The following NOMO1 variants were observed in gnomAD, a reference collection of about 807,000 sequenced individuals.
The protein encoded by NOMO1 is NODAL modulator 1.
A neutral mutation model predicts 133.8 loss-of-function variants in NOMO1; 40 were observed. The observed-to-expected ratio is 0.30, with a 90% CI of 0.23 to 0.39. The LOEUF (loss-of-function observed/expected upper bound fraction) is 0.39, where lower values mean the gene tolerates loss of function less well. Among genes scored for constraint, NOMO1 ranks in the 10% least tolerant of loss-of-function variants. NOMO1 has a pLI of 1.00. For synonymous variants in NOMO1, 236 were observed against 570.5 expected (o/e 0.41, Z 8.36); for missense variants, 462 against 1,419.9 (o/e 0.33, Z 10.84).
intron 4 of NOMO1, among the ~76,000 whole-genome samples, chr16:14,846,342 A>AATCT (rs1207921011): frequency 1.3e-5 from 2 of 150,518 alleles, no homozygotes; most frequent in Non-Finnish European, 2.9e-5. Flanking sequence ...AATAATGGTG[A>AATCT]ATCTATAACT....
At chr16:14,837,223 C>T (rs1963530596) in intron 1 of NOMO1, among the ~76,000 whole-genome samples, 1 of 151,760 alleles carries the variant, frequency 6.6e-6, no homozygotes, top group African/African-American at 2.4e-5. Context: ...CTATGTTGTC[C>T]AGGCTGGTCT....
At position 14,893,573 on chromosome 16, in the gene NOMO1, G is replaced by A. The variant is rs1964436658; in HGVS notation, c.3445-1425G>A. The stretch of plus-strand genomic sequence containing the variant: ...TCCAAAGATACAGGAGTAGGCAGTT[G>A]TTGATGGAAATCTGTTCCTGCCCTT... On this transcript the variant is annotated intron_variant, in intron 29 of 30. Transcript: ENST00000287667. Among the ~76,000 whole-genome samples the A allele has an allele frequency of 2.0e-5, 3 of 152,158 alleles. No homozygotes were observed. In the South Asian group the frequency reaches 6.2e-4, roughly 32 times the overall value.
At chr16:14,856,795 A>G (rs978964095) in intron 9 of NOMO1, among the ~76,000 whole-genome samples, 2 of 151,942 alleles carry the variant, frequency 1.3e-5, no homozygotes, top group African/African-American at 4.8e-5. Flanking sequence ...GGTGGAATCC[A>G]CAGGACTGAT....
chr16:14,837,305 G>A (rs1301135373), intron 1 of NOMO1, among the ~76,000 whole-genome samples: 2 of 152,034 alleles, frequency 1.3e-5, no homozygotes. Flanking sequence ...CACCATGCCT[G>A]GCCGCAAACT....
At chr16:14,869,710 G>A (rs1483846562) in intron 16 of NOMO1, among the ~76,000 whole-genome samples, 4 of 151,540 alleles carry the variant, frequency 2.6e-5, no homozygotes, top group Non-Finnish European at 5.9e-5. Flanking sequence ...GGACATTCTT[G>A]TACAAGTCTT....
intron 14 of NOMO1, 70 bp from the exon 15 acceptor site, chr16:14,866,485 T>C: frequency 6.2e-7 from 1 of 1,609,902 alleles, no homozygotes; most frequent in Non-Finnish European, 8.5e-7. Flanking sequence ...ATGATCATTG[T>C]TTCTGGTGGC....
rs1964481299 is a variant in NOMO1 at position 14,895,537 on chromosome 16, GA to G, written c.3562del (p.Thr1188GlnfsTer103). On this transcript the variant is annotated frameshift_variant, in exon 31 of 31. Transcript: ENST00000287667. LOFTEE classifies it high-confidence loss of function. ...DKLIPLLLQL[T>X]SRLQGVRALG... ...AGCTCATTCCTTTGCTGCTGCAGTT[GA>G]CAAGCCGGCTACAGGGAGTCCGCGC... 6.2e-7 allele frequency: 1 copy of G among 1,611,784 alleles called. No homozygotes were observed. Among genetic ancestry groups the G allele is most frequent in the Admixed American group, 1.7e-5 (1 of 59,988 alleles).
chr16:14,894,820 A>G (rs867700688), intron 29 of NOMO1, among the ~76,000 whole-genome samples, 178 bp from the exon 30 acceptor site: 1 of 152,362 alleles, frequency 6.6e-6, no homozygotes, highest in Middle Eastern at 3.4e-3. Context: ...TTCATGGGAA[A>G]ATATATCCAA....
intron 23 of NOMO1, among the ~76,000 whole-genome samples, chr16:14,879,269 A>G (rs1964208295): frequency 6.6e-6 from 1 of 151,718 alleles, no homozygotes; most frequent in African/African-American, 2.4e-5. Flanking sequence ...GTGGGGATTC[A>G]GGAAGTGTGT....
chr16:14,835,156 A>G (rs1387292041), intron 1 of NOMO1, among the ~76,000 whole-genome samples: 3 of 138,124 alleles, frequency 2.2e-5, no homozygotes, highest in African/African-American at 8.2e-5. Context: ...CAGTTTTTGT[A>G]CCTATAGGAT....
At chr16:14,875,710 A>C (rs1418879632) in intron 20 of NOMO1, among the ~76,000 whole-genome samples, 3 of 151,996 alleles carry the variant, frequency 2.0e-5, no homozygotes, top group African/African-American at 4.8e-5. Flanking sequence ...ATCTTTTTGG[A>C]AAAGGACTTG....
At chr16:14,893,288 C>T (rs1379482867) in intron 29 of NOMO1, among the ~76,000 whole-genome samples, 6 of 151,842 alleles carry the variant, frequency 4.0e-5, no homozygotes, top group East Asian at 1.9e-4. Flanking sequence ...CTCTGCTTCC[C>T]GGGTTCAAGT....
At chr16:14,839,118 G>A (rs868002444) in intron 2 of NOMO1, among the ~76,000 whole-genome samples, 34 of 151,116 alleles carry the variant, frequency 2.2e-4, no homozygotes, top group African/African-American at 8.0e-4. Context: ...GCAGTGGTGT[G>A]ATCTTGCCTC....
At chr16:14,856,637 C>G (rs2606826) in intron 9 of NOMO1, among the ~76,000 whole-genome samples, 52 of 152,014 alleles carry the variant, frequency 3.4e-4, no homozygotes, top group South Asian at 2.1e-4. Context: ...GTCTTGGACT[C>G]CTGACCTCAA....
intron 28 of NOMO1, 73 bp downstream of exon 28, chr16:14,886,935 G>A (rs1292861842): frequency 1.4e-6 from 2 of 1,466,230 alleles, no homozygotes; most frequent in African/African-American, 2.8e-5. Context: ...AGGAAGCACA[G>A]TTCTCTCCTT....
chr16:14,874,673 G>A (rs1441452284), intron 18 of NOMO1, among the ~76,000 whole-genome samples: 2 of 152,014 alleles, frequency 1.3e-5, no homozygotes, highest in East Asian at 3.9e-4. Flanking sequence ...TGTTGATGCT[G>A]TATCCTTGGT....
chr16:14,886,923 T>A (rs968157292), intron 28 of NOMO1, 61 bp downstream of exon 28: 3 of 1,458,266 alleles, frequency 2.1e-6, no homozygotes, highest in Non-Finnish European at 2.9e-6. Flanking sequence ...CTGTTTAGTT[T>A]AAGGAAGCAC....
At chr16:14,837,310 C>G (rs1963532659) in intron 1 of NOMO1, among the ~76,000 whole-genome samples, 1 of 152,020 alleles carries the variant, frequency 6.6e-6, no homozygotes, top group African/African-American at 2.4e-5. Context: ...TGCCTGGCCG[C>G]AAACTGATTT....
At chr16:14,834,689 T>G (rs999851678) in intron 1 of NOMO1, among the ~76,000 whole-genome samples, 2 of 76,480 alleles carry the variant, frequency 2.6e-5, no homozygotes, top group Non-Finnish European at 5.2e-5. Flanking sequence ...TGCTGAAGGT[T>G]TTTTTTTTTT....
Sources: allele counts gnomAD v4.1 joint callset (sites outside exome capture counted in the v4.1 genomes callset), GRCh38; gene constraint gnomAD v4.1.1; transcripts MANE v1.5; gene names NCBI Gene and HGNC (gene_info 2026-07-23, HGNC 2026-07-21).